Variants in SOX6 observed in about 807,000 individuals in gnomAD.
SOX6 encodes SRY-box transcription factor 6, also known as transcription factor SOX-6.
A neutral mutation model predicts 97.8 loss-of-function variants in SOX6; 11 were observed. That is an observed-to-expected ratio of 0.11 (90% confidence interval 0.07 to 0.19). The LOEUF is 0.19. Among genes scored for constraint, SOX6 ranks in the 10% least tolerant of loss-of-function variants. The pLI, the probability that SOX6 is intolerant of heterozygous loss-of-function variation, is 1.00. For missense variants in SOX6, 810 were observed against 1,039.5 expected (o/e 0.78, Z 3.04); for synonymous variants, 360 against 371.4 (o/e 0.97, Z 0.35).
intron 3 of SOX6, chr11:16,317,793 T>C (rs1855794348): frequency 4.7e-6 from 1 of 214,814 alleles, no homozygotes; most frequent in Non-Finnish European, 9.7e-6. Context: ...CAACATAGTA[T>C]AACCATCACT....
Position 16,451,135 on chromosome 11 carries a change from G to A in SOX6, c.-5+25180C>T, listed in dbSNP as rs555383058. ...TAGTCCCAGCTGCTTGGGAGGCTGA[G>A]GCAGGAGGATCATTTGAGCCAGGGA... is the stretch of plus-strand genomic sequence containing the variant. On this transcript the variant is annotated intron_variant, in intron 1 of 15. Coordinates refer to the SOX6 transcript ENST00000396356. Among the ~76,000 whole-genome samples, 1,145 of 152,178 alleles carry A rather than the reference G, an allele frequency of 7.5e-3. 13 individuals are homozygous for A. The highest frequency in any genetic ancestry group is 0.026 in the African/African-American group (1,097 of 41,516).
At chr11:16,236,897 T>A (rs1256372821) in intron 3 of SOX6, among the ~76,000 whole-genome samples, 2 of 151,996 alleles carry the variant, frequency 1.3e-5, no homozygotes, top group Non-Finnish European at 2.9e-5. Context: ...GCTAATAACT[T>A]CAAAGCGTTT....
chr11:16,234,539 T>G, intron 4 of SOX6, 43 bp downstream of exon 4: 1 of 1,135,138 alleles, frequency 8.8e-7, no homozygotes, highest in Non-Finnish European at 1.3e-6. Context: ...CAAAATAACA[T>G]CACATCACTG....
chr11:16,004,608 C>A (rs755647779), intron 13 of SOX6, among the ~76,000 whole-genome samples: 16 of 151,936 alleles, frequency 1.1e-4, no homozygotes, highest in Non-Finnish European at 1.5e-4. Context: ...ACCCCGAGAA[C>A]TGGTGAAAGT....
chr11:16,197,092 C>T (rs1456915445), intron 4 of SOX6, among the ~76,000 whole-genome samples: 1 of 152,102 alleles, frequency 6.6e-6, no homozygotes, highest in Non-Finnish European at 1.5e-5. Context: ...CCTTGTCCTC[C>T]CAAAGTGGTG....
chr11:16,635,407 G>T (rs1848769993), intron 3 of SOX6, among the ~76,000 whole-genome samples: 1 of 152,200 alleles, frequency 6.6e-6, no homozygotes. Flanking sequence ...CAGAGTGGTG[G>T]CATTTTGCCC....
intron 6 of SOX6, among the ~76,000 whole-genome samples, chr11:16,173,888 T>C (rs1324634302): frequency 6.6e-6 from 1 of 151,500 alleles, no homozygotes; most frequent in African/African-American, 2.4e-5. Flanking sequence ...TCTTTCTCCA[T>C]AGCCCAGGAT....
At chr11:16,285,930 G>C (rs1356753711) in intron 3 of SOX6, among the ~76,000 whole-genome samples, 1 of 152,010 alleles carries the variant, frequency 6.6e-6, no homozygotes, top group African/African-American at 2.4e-5. Flanking sequence ...TCCATTGTTA[G>C]AATTTCCCAA....
At chr11:16,459,419 A>G (rs1859876319) in intron 1 of SOX6, among the ~76,000 whole-genome samples, 1 of 152,090 alleles carries the variant, frequency 6.6e-6, no homozygotes, top group Non-Finnish European at 1.5e-5. Context: ...ACTCTCTGGC[A>G]TCTAATAAAA....
At chr11:16,618,779 G>A (rs1326094257) in intron 3 of SOX6, among the ~76,000 whole-genome samples, 1 of 151,928 alleles carries the variant, frequency 6.6e-6, no homozygotes, top group African/African-American at 2.4e-5. Context: ...TGCACATACT[G>A]TATGACTGTG....
intron 1 of SOX6, among the ~76,000 whole-genome samples, chr11:16,388,182 T>A (rs1858050954): frequency 6.6e-6 from 1 of 152,180 alleles, no homozygotes; most frequent in Non-Finnish European, 1.5e-5. Flanking sequence ...CTGCATCTAT[T>A]GAAATGATCA....
chr11:16,623,468 G>A (rs540448464), intron 3 of SOX6, among the ~76,000 whole-genome samples: 1 of 152,012 alleles, frequency 6.6e-6, no homozygotes, highest in African/African-American at 2.4e-5. Context: ...TTAGTCCTTT[G>A]TCAGATGTAT....
intron 6 of SOX6, among the ~76,000 whole-genome samples, chr11:16,174,797 C>T (rs1589997257): frequency 6.6e-6 from 1 of 151,872 alleles, no homozygotes; most frequent in Admixed American, 6.6e-5. Context: ...TTTCAACTGT[C>T]TTTAAAAAGC....
At chr11:16,529,940 T>C (rs370342472) in intron 4 of SOX6, among the ~76,000 whole-genome samples, 1 of 152,004 alleles carries the variant, frequency 6.6e-6, no homozygotes. Flanking sequence ...GTGGATAAAA[T>C]GTACAGAAAC....
chr11:16,264,221 C>T (rs757829142), intron 3 of SOX6, among the ~76,000 whole-genome samples: 7 of 152,056 alleles, frequency 4.6e-5, no homozygotes, highest in South Asian at 2.1e-4. Context: ...TTGCACCCAT[C>T]ATCTCTAGAT....
chr11:16,361,806 G>T (rs1409002820), intron 1 of SOX6, among the ~76,000 whole-genome samples: 1 of 152,132 alleles, frequency 6.6e-6, no homozygotes, highest in African/African-American at 2.4e-5. Context: ...TTAAGCTGTT[G>T]CAAAATTCAG....
intron 1 of SOX6, among the ~76,000 whole-genome samples, chr11:16,388,162 A>T (rs949314419): frequency 6.6e-6 from 1 of 152,106 alleles, no homozygotes; most frequent in African/African-American, 2.4e-5. Flanking sequence ...GGTGTGGTCA[A>T]CTGTTTTTTC....
At chr11:16,201,071 G>A (rs983149889) in intron 4 of SOX6, among the ~76,000 whole-genome samples, 4 of 151,286 alleles carry the variant, frequency 2.6e-5, no homozygotes, top group Non-Finnish European at 5.9e-5. Flanking sequence ...GAGCTGACAC[G>A]GTGCCATGCA....
intron 6 of SOX6, among the ~76,000 whole-genome samples, chr11:16,167,871 T>A (rs1850927289): frequency 6.6e-6 from 1 of 152,174 alleles, no homozygotes; most frequent in African/African-American, 2.4e-5. Flanking sequence ...TGTGCAGTAA[T>A]TTTACTTATC....
Sources: allele counts gnomAD v4.1 joint callset (sites outside exome capture counted in the v4.1 genomes callset), GRCh38; gene constraint gnomAD v4.1.1; transcripts MANE v1.5; gene names NCBI Gene and HGNC (gene_info 2026-07-23, HGNC 2026-07-21).